Variants in HEPHL1 observed in about 807,000 individuals in gnomAD.
The protein encoded by HEPHL1 is hephaestin like 1, also known as ferroxidase HEPHL1.
Under a neutral mutation model 122.0 loss-of-function variants are expected in HEPHL1, and 123 were observed. The observed-to-expected ratio is 1.01, with a 90% CI of 0.87 to 1.17. The LOEUF (loss-of-function observed/expected upper bound fraction) is 1.17, where lower values mean the gene tolerates loss of function less well. Ranked by LOEUF, HEPHL1 falls within the 50% of genes most tolerant of loss-of-function variation. The pLI is 0.00. For missense variants in HEPHL1, 1,452 were observed against 1,430.5 expected (o/e 1.01, Z -0.24); for synonymous variants, 527 against 508.9 (o/e 1.04, Z -0.48).
intron 2 of HEPHL1, among the ~76,000 whole-genome samples, chr11:94,047,391 G>C (rs961788791): frequency 6.6e-6 from 1 of 152,036 alleles, no homozygotes; most frequent in African/African-American, 2.4e-5. Context: ...CCCAGTGTGT[G>C]TTGTTCCCCT....
intron 1 of HEPHL1, among the ~76,000 whole-genome samples, chr11:94,036,698 G>A (rs1304091881): frequency 6.6e-6 from 1 of 152,110 alleles, no homozygotes; most frequent in Non-Finnish European, 1.5e-5. Flanking sequence ...AATTAGCCCG[G>A]CGTGGTGGCA....
chr11:94,030,733 G>A (rs547180878), intron 1 of HEPHL1, among the ~76,000 whole-genome samples: 44 of 152,372 alleles, frequency 2.9e-4, no homozygotes, highest in African/African-American at 1.1e-3. Flanking sequence ...TAAAGGTCCA[G>A]GGGTCAGGCA....
At chr11:94,089,933 C>A (rs1479202597) in intron 12 of HEPHL1, among the ~76,000 whole-genome samples, 1 of 152,122 alleles carries the variant, frequency 6.6e-6, no homozygotes, top group Non-Finnish European at 1.5e-5. Context: ...TACCCTCGCC[C>A]CCTGCCACCA....
chr11:94,093,100 ATGTGTGTGTG>A (rs58076312), intron 12 of HEPHL1, among the ~76,000 whole-genome samples: 9 of 148,818 alleles, frequency 6.0e-5, no homozygotes, highest in African/African-American at 1.7e-4. Context: ...GTGGACGTGT[ATGTGTGTGTG>A]TGTGTGTGTG....
At position 94,021,537 on chromosome 11, in the gene HEPHL1, A is replaced by G. The variant is rs1945582156; in HGVS notation, c.169A>G (p.Lys57Glu). Residue 57 changes from lysine (K) to glutamate (E), a missense_variant and splice_region_variant, in exon 1 of 20, where the codon AAA (lysine) becomes GAA (glutamate). Lys to Glu is a moderately conservative substitution (Grantham distance 56, BLOSUM62 1). Transcript: ENST00000315765. ...TACTGGGAAAAGTTTCACAGAAGAC[A>G]AGTGAGTGAACTTAGGGTCCTCATT... Reference protein sequence around the residue: ...VITGKSFTEDKLATLFLERGP... With the variant: ...VITGKSFTEDELATLFLERGP... The G allele has an allele frequency of 1.9e-6, 3 of 1,603,108 alleles. No homozygotes were observed. The highest frequency in any genetic ancestry group is 2.6e-6 in the Non-Finnish European group (3 of 1,174,016).
intron 8 of HEPHL1, among the ~76,000 whole-genome samples, chr11:94,073,680 G>A (rs1175982661): frequency 6.6e-6 from 1 of 152,100 alleles, no homozygotes; most frequent in African/African-American, 2.4e-5. Flanking sequence ...AGGTTCTTAG[G>A]AAATGTTCAT....
chr11:94,043,488 A>G (rs59276869), intron 1 of HEPHL1, among the ~76,000 whole-genome samples: 2,621 of 152,154 alleles, frequency 0.017, 71 homozygotes, highest in African/African-American at 0.06. Context: ...GTCCTGCCCT[A>G]ACAACAGCTT....
rs148483479 is a variant in HEPHL1, at chr11:94,110,582, C to T, written c.3046-321C>T. ...AATTGGAATGCCAGCACTTCTTCCA[C>T]ATGCTATTGATTTCGCATACCAACC... On this transcript the variant is annotated intron_variant, in intron 17 of 19. Transcript: ENST00000315765. Among the ~76,000 whole-genome samples, 304 of 152,328 alleles carry T rather than the reference C, an allele frequency of 2.0e-3. 3 individuals carry two copies. Among genetic ancestry groups the T allele is most frequent in the African/African-American group, 6.8e-3 (282 of 41,570 alleles).
chr11:94,059,324 A>G (rs1390235289), intron 2 of HEPHL1, among the ~76,000 whole-genome samples: 1 of 152,186 alleles, frequency 6.6e-6, no homozygotes, highest in Non-Finnish European at 1.5e-5. Flanking sequence ...CAGTTCATGT[A>G]ATTTGAAAAA....
At chr11:94,057,796 C>CT (rs1025198927) in intron 2 of HEPHL1, among the ~76,000 whole-genome samples, 1 of 152,010 alleles carries the variant, frequency 6.6e-6, no homozygotes, top group African/African-American at 2.4e-5. Flanking sequence ...CACTGGCTGC[C>CT]TTTTTTTCTC....
chr11:94,045,867 G>T lies in HEPHL1; in HGVS notation c.365G>T (p.Arg122Leu), dbSNP rs201442695. The T allele has an allele frequency of 6.2e-7, 1 of 1,613,640 alleles. No homozygotes were observed. The highest frequency in any genetic ancestry group is 1.7e-5 in the Admixed American group (1 of 59,956). ...IVIHLKNFAS[R>L]PYSLHPHGVF... ...ATTCATTTAAAGAACTTTGCTTCTCGACCTTACTCTCTGCATCCACATGGC... is the reference window on the plus strand; with the variant it reads ...ATTCATTTAAAGAACTTTGCTTCTCTACCTTACTCTCTGCATCCACATGGC... Residue 122 changes from arginine to leucine, a missense_variant, in exon 2 of 20, where the codon CGA (arginine) becomes CTA (leucine). Physicochemically the swap from Arg to Leu is moderately radical, Grantham distance 102 (BLOSUM62 -2). Coordinates refer to ENST00000315765, the MANE Select transcript of HEPHL1 (RefSeq NM_001098672.2).
Position 94,104,680 on chromosome 11 carries a change from G to C in HEPHL1, c.2835G>C (p.Lys945Asn), listed in dbSNP as rs774533874. Residue 945 changes from lysine to asparagine, a missense_variant, in exon 16 of 20, where the codon AAG (lysine) becomes AAC (asparagine). By Grantham distance (94) the Lys-to-Asn change is moderately conservative. Transcript: ENST00000315765. ...NESWYLDDNI[K>N]KYLNKDPRDF... is the part of the protein sequence containing the mutation. ...CCTGGTATCTGGATGACAATATTAA[G>C]AAGTATCTCAACAAAGATCCACGAG... The C allele has an allele frequency of 1.2e-5, 20 of 1,613,774 alleles. No individual in the cohort carries two copies. Among genetic ancestry groups the C allele is most frequent in the Non-Finnish European group, 1.5e-5 (18 of 1,179,788 alleles).
In HEPHL1 at chr11:94,025,976, A is replaced by G. The variant is rs74977878; in HGVS notation, c.170+4438A>G. On this transcript the variant is annotated intron_variant, in intron 1 of 19. Coordinates refer to ENST00000315765, the MANE Select transcript of HEPHL1 (RefSeq NM_001098672.2). ...GGCTGCCACTAGAGACTGGAGTATA[A>G]TGTCTTTAACAAATTAGGATTTTGT... is the stretch of plus-strand genomic sequence containing the variant. Among the ~76,000 whole-genome samples the G allele has an allele frequency of 7.4e-3, 1,131 of 152,284 alleles. 18 individuals are homozygous for G. Among genetic ancestry groups the G allele is most frequent in the African/African-American group, 0.026 (1,078 of 41,540 alleles).
chr11:94,075,545 TG>T (rs1337650544), intron 9 of HEPHL1, among the ~76,000 whole-genome samples, 160 bp downstream of exon 9: 3 of 152,170 alleles, frequency 2.0e-5, no homozygotes, highest in Non-Finnish European at 4.4e-5. Context: ...GATTTTCTGG[TG>T]AAAATGTAAG....
intron 12 of HEPHL1, among the ~76,000 whole-genome samples, chr11:94,090,006 T>A (rs941815145): frequency 5.9e-5 from 9 of 152,248 alleles, no homozygotes; most frequent in African/African-American, 2.2e-4. Context: ...GACATGCTAC[T>A]GTTCCTATCT....
chr11:94,061,586 T>C (rs2134425787), intron 2 of HEPHL1, among the ~76,000 whole-genome samples: 1 of 152,266 alleles, frequency 6.6e-6, no homozygotes, highest in South Asian at 2.1e-4. Flanking sequence ...GAGGGGCAGC[T>C]CTCTGGATTT....
At chr11:94,081,304 G>T (rs1313192928) in intron 9 of HEPHL1, among the ~76,000 whole-genome samples, 1 of 152,166 alleles carries the variant, frequency 6.6e-6, no homozygotes, top group African/African-American at 2.4e-5. Context: ...TGGTAGGGGT[G>T]GAGGGAGGAA....
At position 94,112,508 on chromosome 11, in the gene HEPHL1, A is replaced by T. The variant is rs1045081498; in HGVS notation, c.*614A>T. 2.0e-5 allele frequency: 3 copies of T among 152,242 alleles called. No homozygotes were observed. Among genetic ancestry groups the T allele is most frequent in the Non-Finnish European group, 4.4e-5 (3 of 68,050 alleles). 9.4% of individuals were successfully genotyped at this position (152,242 alleles called of 1,614,324 possible). Reference sequence around the variant, plus strand: ...TAGCCTGTGCAGTGCTTGTTTTAAAAAGCAAAGTTATACGTTTTTTAAAAA... The same window carrying T: ...TAGCCTGTGCAGTGCTTGTTTTAAATAGCAAAGTTATACGTTTTTTAAAAA... On this transcript the variant is annotated 3_prime_UTR_variant, in exon 20 of 20. Coordinates refer to ENST00000315765, the MANE Select transcript of HEPHL1 (RefSeq NM_001098672.2).
At chr11:94,050,642 G>A (rs1945881571) in intron 2 of HEPHL1, among the ~76,000 whole-genome samples, 1 of 152,046 alleles carries the variant, frequency 6.6e-6, no homozygotes, top group East Asian at 1.9e-4. Flanking sequence ...ATCACCTCAA[G>A]CATTTATCCT....
Sources: allele counts gnomAD v4.1 joint callset (sites outside exome capture counted in the v4.1 genomes callset), GRCh38; gene constraint gnomAD v4.1.1; transcripts MANE v1.5; gene names NCBI Gene and HGNC (gene_info 2026-07-23, HGNC 2026-07-21).